NXPH1: variants seen among roughly 807,000 people sequenced by gnomAD.
NXPH1 encodes the protein neurexophilin-1.
In NXPH1, 5 loss-of-function variants were observed where a neutral mutation model predicts 23.7. The observed-to-expected ratio is 0.21, with a 90% CI of 0.11 to 0.44. The LOEUF is 0.44. Ranked by LOEUF, NXPH1 falls within the 20% of genes least tolerant of loss-of-function variation. The pLI, the probability that NXPH1 is intolerant of heterozygous loss-of-function variation, is 0.99. For synonymous variants in NXPH1, 144 were observed against 122.2 expected (o/e 1.18, Z -1.18); for missense variants, 324 against 321.6 (o/e 1.01, Z -0.06).
intron 2 of NXPH1, among the ~76,000 whole-genome samples, chr7:8,699,547 A>G (rs907479315): frequency 2.6e-5 from 4 of 152,154 alleles, no homozygotes; most frequent in Non-Finnish European, 4.4e-5. Flanking sequence ...TTTGTGAGCC[A>G]TTGTCCAACT....
intron 2 of NXPH1, among the ~76,000 whole-genome samples, chr7:8,686,358 G>C (rs956266867): frequency 6.6e-6 from 1 of 152,016 alleles, no homozygotes; most frequent in African/African-American, 2.4e-5. Flanking sequence ...TGGTAGTTCA[G>C]GAAAATTTAA....
intron 2 of NXPH1, among the ~76,000 whole-genome samples, chr7:8,539,174 G>C (rs1175383812): frequency 6.6e-6 from 1 of 151,794 alleles, no homozygotes; most frequent in Admixed American, 6.6e-5. Flanking sequence ...AGGAGTTGAT[G>C]GTGGTGCTGA....
At chr7:8,513,581 A>G (rs1817643408) in intron 2 of NXPH1, among the ~76,000 whole-genome samples, 1 of 152,142 alleles carries the variant, frequency 6.6e-6, no homozygotes, top group Non-Finnish European at 1.5e-5. Context: ...CCTGGCCCTA[A>G]GGGCGGCAGG....
At chr7:8,515,254 G>A (rs558870806) in intron 2 of NXPH1, among the ~76,000 whole-genome samples, 114 of 152,218 alleles carry the variant, frequency 7.5e-4, no homozygotes, top group Non-Finnish European at 1.4e-3. Flanking sequence ...TGGGAGGTGG[G>A]ATAAATTAGA....
rs753129202 is a variant in NXPH1, at chr7:8,751,168, T to C, written c.215T>C (p.Leu72Ser). 6.2e-7 allele frequency: 1 copy of C among 1,613,822 alleles called. No individual in the cohort carries two copies. The highest frequency in any genetic ancestry group is 8.5e-7 in the Non-Finnish European group (1 of 1,179,796). ...CGTGGCAAAGAGAATGATACAGATTTGGACCTGAGATATGACACCCCAGAA... is the reference window on the plus strand; with the variant it reads ...CGTGGCAAAGAGAATGATACAGATTCGGACCTGAGATATGACACCCCAGAA... The part of the protein sequence containing the change: ...TFRGKENDTD[L>S]DLRYDTPEPY... Residue 72 changes from leucine (L) to serine (S), a missense_variant, in exon 3 of 3, where the codon TTG becomes TCG. By Grantham distance (145) the Leu-to-Ser change is moderately radical. Coordinates refer to ENST00000405863, the MANE Select transcript of NXPH1 (RefSeq NM_152745.3). The surrounding 1 kb of genome is among the most constrained non-coding windows in gnomAD (Gnocchi z 4.5).
chr7:8,566,917 C>G (rs772360174), intron 2 of NXPH1, among the ~76,000 whole-genome samples: 9 of 151,704 alleles, frequency 5.9e-5, no homozygotes, highest in Admixed American at 3.9e-4. Context: ...AACACTAATA[C>G]AGAAATCATC....
intron 2 of NXPH1, among the ~76,000 whole-genome samples, chr7:8,694,279 G>A (rs1198729621): frequency 6.6e-6 from 1 of 152,180 alleles, no homozygotes; most frequent in East Asian, 1.9e-4. Context: ...ATGCCCCTAT[G>A]TGCATTGGTT....
At chr7:8,678,257 C>T (rs1161067037) in intron 2 of NXPH1, among the ~76,000 whole-genome samples, 2 of 152,120 alleles carry the variant, frequency 1.3e-5, no homozygotes, top group South Asian at 2.1e-4. Flanking sequence ...TTATGCCAGC[C>T]GTTAGTCCAG....
intron 2 of NXPH1, among the ~76,000 whole-genome samples, chr7:8,745,250 A>G (rs1046500174): frequency 9.2e-5 from 14 of 152,200 alleles, no homozygotes; most frequent in Admixed American, 3.9e-4. Flanking sequence ...GTACAGTATA[A>G]GGCTATGAGA....
rs77101525 is a variant in NXPH1, at chr7:8,711,389, C to T, written c.55-39619C>T. 4.5e-3 allele frequency among the ~76,000 whole-genome samples: 687 copies of T among 152,138 alleles called. 2 individuals are homozygous for T. Among genetic ancestry groups the T allele is most frequent in the Non-Finnish European group, 7.4e-3 (502 of 67,998 alleles). Reference sequence around the variant, plus strand: ...TTTTTCATGAAAGGATTTACTATATCCTTTCTAGAGGCCTAACACTGAGGC... The same window carrying T: ...TTTTTCATGAAAGGATTTACTATATTCTTTCTAGAGGCCTAACACTGAGGC... On this transcript the variant is annotated intron_variant, in intron 2 of 2. Transcript: ENST00000405863.
At chr7:8,591,728 A>T (rs544138165) in intron 2 of NXPH1, among the ~76,000 whole-genome samples, 16 of 152,016 alleles carry the variant, frequency 1.1e-4, no homozygotes, top group Admixed American at 1.1e-3. Context: ...GTGTGTTTTA[A>T]TGTGGTAGGT....
chr7:8,675,298 TTTTTA>T (rs1337225348), intron 2 of NXPH1, among the ~76,000 whole-genome samples: 4 of 151,910 alleles, frequency 2.6e-5, no homozygotes, highest in African/African-American at 7.2e-5. Context: ...TGTTTAATAA[TTTTTA>T]TTTTATTTTA....
intron 2 of NXPH1, among the ~76,000 whole-genome samples, chr7:8,707,948 TC>T (rs1199678894): frequency 6.6e-6 from 1 of 152,178 alleles, no homozygotes; most frequent in Non-Finnish European, 1.5e-5. Context: ...AGCTTTTTTT[TC>T]TTTTGAAAAT....
chr7:8,743,449 A>C (rs1284158634), intron 2 of NXPH1, among the ~76,000 whole-genome samples: 1 of 152,086 alleles, frequency 6.6e-6, no homozygotes, highest in Non-Finnish European at 1.5e-5. Context: ...ATATATAAAG[A>C]AGTAAACATT....
chr7:8,473,786 A>G (rs563340908), intron 2 of NXPH1, among the ~76,000 whole-genome samples: 2 of 152,154 alleles, frequency 1.3e-5, no homozygotes, highest in East Asian at 3.9e-4. Flanking sequence ...TAGACCAGCA[A>G]TGATAGACCT....
chr7:8,712,712 A>T (rs1216769278), intron 2 of NXPH1, among the ~76,000 whole-genome samples: 2 of 152,202 alleles, frequency 1.3e-5, no homozygotes, highest in African/African-American at 4.8e-5. Flanking sequence ...TGTTATCAGC[A>T]TGAATAATTT....
At chr7:8,718,495 T>C (rs1170960796) in intron 2 of NXPH1, among the ~76,000 whole-genome samples, 1 of 152,178 alleles carries the variant, frequency 6.6e-6, no homozygotes, top group Non-Finnish European at 1.5e-5. Context: ...GAAAGTTTAA[T>C]CCCCTGTTGA....
intron 2 of NXPH1, among the ~76,000 whole-genome samples, chr7:8,586,030 A>G (rs1353300432): frequency 6.6e-6 from 1 of 152,200 alleles, no homozygotes; most frequent in Non-Finnish European, 1.5e-5. Context: ...ACAAGTTATC[A>G]TGGAGAGGTT....
intron 2 of NXPH1, among the ~76,000 whole-genome samples, chr7:8,567,370 A>G (rs551684509): frequency 1.3e-5 from 2 of 152,042 alleles, no homozygotes; most frequent in Admixed American, 6.6e-5. Context: ...TAAATACTGC[A>G]CCTAAGAACT....
Sources: allele counts gnomAD v4.1 joint callset (sites outside exome capture counted in the v4.1 genomes callset), GRCh38; gene constraint gnomAD v4.1.1; non-coding constraint Gnocchi (gnomAD v3.1); transcripts MANE v1.5; gene names NCBI Gene and HGNC (gene_info 2026-07-23, HGNC 2026-07-21).